PPARGC1A: variants seen among roughly 807,000 people sequenced by gnomAD.
PPARGC1A encodes PPARG coactivator 1 alpha.
Under a neutral mutation model 88.7 loss-of-function variants are expected in PPARGC1A, and 25 were observed. The observed-to-expected ratio is 0.28, with a 90% CI of 0.21 to 0.39. The LOEUF (loss-of-function observed/expected upper bound fraction) is 0.39. Ranked by LOEUF, PPARGC1A falls within the 10% of genes least tolerant of loss-of-function variation. The probability of loss-of-function intolerance (pLI) is 1.00; values close to 1 mark genes in which losing one functional copy is unlikely to be tolerated. For synonymous variants in PPARGC1A, 363 were observed against 355.6 expected (o/e 1.02, Z -0.24); for missense variants, 880 against 968.7 (o/e 0.91, Z 1.22).
the PPARGC1A span, among the ~76,000 whole-genome samples, chr4:24,331,815 G>A: frequency 6.6e-6 from 1 of 151,376 alleles, no homozygotes; most frequent in African/African-American, 2.4e-5. Flanking sequence ...TGTGCAGAAC[G>A]TGCAGGTTTG....
chr4:24,322,294 A>G, the PPARGC1A span, among the ~76,000 whole-genome samples: 1 of 152,228 alleles, frequency 6.6e-6, no homozygotes, highest in African/African-American at 2.4e-5. Flanking sequence ...AGTATTTTTT[A>G]AAAAGAAAAG....
chr4:24,411,698 C>A, the PPARGC1A span, among the ~76,000 whole-genome samples: 1 of 152,220 alleles, frequency 6.6e-6, no homozygotes, highest in East Asian at 1.9e-4. Flanking sequence ...TAACTCCTAG[C>A]AACCTCTGAT....
rs569412017 is a variant in PPARGC1A at position 23,848,492 on chromosome 4, G to A, written c.235-16741C>T. Among the ~76,000 whole-genome samples, 4 of 152,244 alleles carry A rather than the reference G, an allele frequency of 2.6e-5. No individual in the cohort carries two copies. In the South Asian group the frequency reaches 6.2e-4, roughly 24 times the overall value. On this transcript the variant is annotated intron_variant, in intron 2 of 12. Transcript: ENST00000264867. ...CTGTTTGTGAGGATAATGTTAGCCA[G>A]CTGTAATCTCTTCAGGGGTGAAAGA...
intron 2 of PPARGC1A, among the ~76,000 whole-genome samples, chr4:23,843,720 T>C (rs916358816): frequency 1.3e-5 from 2 of 152,022 alleles, no homozygotes; most frequent in African/African-American, 4.8e-5. Context: ...ATTCCTACAA[T>C]TTGTATAAAA....
the PPARGC1A span, among the ~76,000 whole-genome samples, chr4:24,045,077 C>T: frequency 1.3e-5 from 2 of 152,110 alleles, no homozygotes; most frequent in South Asian, 4.1e-4. Context: ...GAGCCTACAT[C>T]CTAATTCTTA....
At chr4:24,431,038 T>A in the PPARGC1A span, among the ~76,000 whole-genome samples, 19 of 137,474 alleles carry the variant, frequency 1.4e-4, no homozygotes, top group African/African-American at 5.3e-4. Context: ...CGTGGGAGAA[T>A]CACTTGAACC....
chr4:23,919,926 A>G, the PPARGC1A span, among the ~76,000 whole-genome samples: 1 of 152,240 alleles, frequency 6.6e-6, no homozygotes, highest in Non-Finnish European at 1.5e-5. Context: ...CTAAGAGGAT[A>G]TAACAGAAGC....
chr4:23,802,160 C>T, intron 11 of PPARGC1A, 64 bp downstream of exon 11: 3 of 1,607,700 alleles, frequency 1.9e-6, no homozygotes, highest in South Asian at 1.1e-5. Context: ...TCCCAGTAAT[C>T]TTATGGCCAT....
the PPARGC1A span, among the ~76,000 whole-genome samples, chr4:24,216,720 C>T: frequency 6.6e-6 from 1 of 152,074 alleles, no homozygotes; most frequent in African/African-American, 2.4e-5. Flanking sequence ...AATATACAAA[C>T]AAACCTTAAT....
the PPARGC1A span, among the ~76,000 whole-genome samples, chr4:24,304,972 T>A: frequency 0.66 from 100,674 of 151,702 alleles, 33,771 homozygotes; most frequent in African/African-American, 0.74. Flanking sequence ...TATGAAGTTA[T>A]TATGGCTGAA....
the PPARGC1A span, among the ~76,000 whole-genome samples, chr4:24,189,894 C>T: frequency 6.6e-6 from 1 of 152,114 alleles, no homozygotes; most frequent in African/African-American, 2.4e-5. Context: ...CCACCATGTC[C>T]TGGCATCCTC....
At chr4:24,091,445 G>A in the PPARGC1A span, 2 of 985,276 alleles carry the variant, frequency 2.0e-6, no homozygotes, top group Non-Finnish European at 2.4e-6. Flanking sequence ...TGGGTCCTGT[G>A]TGGAGCTGAG....
the PPARGC1A span, among the ~76,000 whole-genome samples, chr4:24,387,824 GA>G: frequency 3.1e-5 from 2 of 64,946 alleles, no homozygotes; most frequent in African/African-American, 8.0e-5. Context: ...AAGAAAGAAA[GA>G]GAGAAAGAGA....
chr4:23,978,823 G>A, the PPARGC1A span, among the ~76,000 whole-genome samples: 1 of 152,084 alleles, frequency 6.6e-6, no homozygotes, highest in African/African-American at 2.4e-5. Flanking sequence ...AGCTGCAGCA[G>A]GAACAAAATA....
chr4:24,119,940 G>A, the PPARGC1A span, among the ~76,000 whole-genome samples: 3 of 152,038 alleles, frequency 2.0e-5, no homozygotes, highest in South Asian at 2.1e-4. Flanking sequence ...ATTTTCTTAA[G>A]TTACAAATAT....
the PPARGC1A span, among the ~76,000 whole-genome samples, chr4:24,332,302 C>T: frequency 1.5e-4 from 23 of 151,786 alleles, no homozygotes; most frequent in Non-Finnish European, 2.8e-4. Flanking sequence ...TAAAGCTGGT[C>T]GAGGAGCCTC....
At chr4:24,455,614 G>C in the PPARGC1A span, among the ~76,000 whole-genome samples, 2 of 152,256 alleles carry the variant, frequency 1.3e-5, no homozygotes, top group Non-Finnish European at 2.9e-5. Context: ...CAATGCAACA[G>C]TGTTGAGTGT....
intron 7 of PPARGC1A, among the ~76,000 whole-genome samples, chr4:23,822,466 A>G (rs985973944): frequency 6.6e-6 from 1 of 152,026 alleles, no homozygotes; most frequent in Non-Finnish European, 1.5e-5. Flanking sequence ...CAGTCCTTTA[A>G]CTGCCTTTAT....
chr4:24,107,662 G>T, the PPARGC1A span, among the ~76,000 whole-genome samples: 21 of 152,326 alleles, frequency 1.4e-4, no homozygotes, highest in Non-Finnish European at 2.1e-4. Context: ...AGGTTAGAAG[G>T]AAAGCTTAAT....
Sources: allele counts gnomAD v4.1 joint callset (sites outside exome capture counted in the v4.1 genomes callset), GRCh38; gene constraint gnomAD v4.1.1; transcripts MANE v1.5; gene names NCBI Gene and HGNC (gene_info 2026-07-23, HGNC 2026-07-21).